Variants in CNTN4 observed in about 807,000 individuals in gnomAD.
CNTN4 encodes contactin 4, also known as contactin-4.
Under a neutral mutation model 122.5 loss-of-function variants are expected in CNTN4, and 77 were observed. The observed-to-expected ratio is 0.63, with a 90% CI of 0.52 to 0.76. The LOEUF (loss-of-function observed/expected upper bound fraction) is 0.76. Ranked by LOEUF, CNTN4 falls within the 30% of genes least tolerant of loss-of-function variation. The pLI, the probability that CNTN4 is intolerant of heterozygous loss-of-function variation, is 0.00. For missense variants in CNTN4, 1,256 were observed against 1,259.1 expected (o/e 1.00, Z 0.04); for synonymous variants, 512 against 447.0 (o/e 1.15, Z -1.83).
intron 23 of CNTN4, among the ~76,000 whole-genome samples, chr3:3,050,684 A>T (rs1701168645): frequency 7.0e-6 from 1 of 143,640 alleles, no homozygotes; most frequent in Non-Finnish European, 1.5e-5. Flanking sequence ...AATTGCTTGA[A>T]CCCGGGAGGC....
chr3:2,275,123 A>G (rs1210894230), intron 2 of CNTN4, among the ~76,000 whole-genome samples: 1 of 152,220 alleles, frequency 6.6e-6, no homozygotes, highest in Non-Finnish European at 1.5e-5. Context: ...TCCATCATCT[A>G]CGTTGCCTGT....
intron 3 of CNTN4, among the ~76,000 whole-genome samples, chr3:2,421,540 C>T (rs1490986465): frequency 1.3e-5 from 2 of 152,172 alleles, no homozygotes; most frequent in African/African-American, 4.8e-5. Context: ...ATGTTAGCCA[C>T]CGCTCCCAGC....
intron 3 of CNTN4, among the ~76,000 whole-genome samples, chr3:2,360,365 C>T (rs80342331): frequency 0.14 from 21,793 of 151,902 alleles, 1,704 homozygotes; most frequent in Non-Finnish European, 0.17. Flanking sequence ...TTTTGCTCCC[C>T]CCACCCCTTA....
intron 3 of CNTN4, chr3:2,511,228 A>G (rs1369927527): frequency 6.6e-6 from 1 of 152,226 alleles, no homozygotes; most frequent in Non-Finnish European, 1.5e-5. Context: ...TAAATTGCCC[A>G]TTGGGAAAGA....
intron 2 of CNTN4, among the ~76,000 whole-genome samples, chr3:2,291,275 A>G (rs1258330818): frequency 1.3e-5 from 2 of 152,180 alleles, no homozygotes; most frequent in Non-Finnish European, 2.9e-5. Context: ...GACCCTAGGC[A>G]TTCAATACAT....
intron 3 of CNTN4, among the ~76,000 whole-genome samples, chr3:2,438,615 C>T (rs1331575919): frequency 2.6e-5 from 4 of 152,208 alleles, no homozygotes; most frequent in Non-Finnish European, 4.4e-5. Context: ...CTTTTACTCA[C>T]ACTTCCTATT....
chr3:2,188,998 C>T (rs2037401894), intron 2 of CNTN4, among the ~76,000 whole-genome samples: 1 of 152,108 alleles, frequency 6.6e-6, no homozygotes, highest in Admixed American at 6.6e-5. Flanking sequence ...CCCTTCAGTG[C>T]TCTAGAGGGA....
chr3:2,950,462 G>A (rs958931372), intron 13 of CNTN4, among the ~76,000 whole-genome samples: 2 of 152,160 alleles, frequency 1.3e-5, no homozygotes, highest in Non-Finnish European at 2.9e-5. Context: ...TCAGCAGTTA[G>A]GCCTGCCACT....
chr3:2,783,623 T>C (rs2091695441), intron 6 of CNTN4, among the ~76,000 whole-genome samples: 1 of 152,234 alleles, frequency 6.6e-6, no homozygotes, highest in African/African-American at 2.4e-5. Context: ...AACTTTTCTC[T>C]AGAGTAATTG....
intron 4 of CNTN4, among the ~76,000 whole-genome samples, chr3:2,682,051 T>A (rs928680533): frequency 2.0e-5 from 3 of 152,202 alleles, no homozygotes; most frequent in African/African-American, 7.2e-5. Flanking sequence ...TCTTCCAATA[T>A]GAATCGTTAT....
At chr3:2,131,663 A>C (rs1212976648) in intron 2 of CNTN4, among the ~76,000 whole-genome samples, 3 of 152,214 alleles carry the variant, frequency 2.0e-5, no homozygotes. Context: ...TGTCCACTGT[A>C]TGGATGATTA....
chr3:2,299,551 T>C, intron 2 of CNTN4, among the ~76,000 whole-genome samples: 1 of 152,140 alleles, frequency 6.6e-6, no homozygotes, highest in East Asian at 1.9e-4. Context: ...CTTTTCCCTA[T>C]AATTTTATAT....
chr3:2,786,598 C>T (rs991402495), intron 6 of CNTN4, among the ~76,000 whole-genome samples: 2 of 152,220 alleles, frequency 1.3e-5, no homozygotes, highest in Admixed American at 6.5e-5. Context: ...CACCCCTCAC[C>T]ACCATCTCCT....
At chr3:2,626,118 G>T (rs2082174976) in intron 4 of CNTN4, among the ~76,000 whole-genome samples, 2 of 152,174 alleles carry the variant, frequency 1.3e-5, no homozygotes, top group African/African-American at 2.4e-5. Flanking sequence ...TATTCTCCCA[G>T]TTGCTTGCTG....
At chr3:2,640,672 T>G (rs958721522) in intron 4 of CNTN4, among the ~76,000 whole-genome samples, 1 of 152,148 alleles carries the variant, frequency 6.6e-6, no homozygotes, top group African/African-American at 2.4e-5. Context: ...CACATATATC[T>G]TTCACACACT....
chr3:2,231,010 G>C (rs1410085297), intron 2 of CNTN4, among the ~76,000 whole-genome samples: 1 of 151,704 alleles, frequency 6.6e-6, no homozygotes. Flanking sequence ...CAAAACAAAA[G>C]AAATATGATG....
intron 3 of CNTN4, among the ~76,000 whole-genome samples, chr3:2,520,804 A>G (rs1361660144): frequency 6.6e-6 from 1 of 152,096 alleles, no homozygotes; most frequent in Non-Finnish European, 1.5e-5. Context: ...TTTCTTGCGT[A>G]CCTGTGCAGA....
intron 3 of CNTN4, among the ~76,000 whole-genome samples, chr3:2,468,043 A>G (rs1302098707): frequency 1.3e-5 from 2 of 152,284 alleles, no homozygotes; most frequent in East Asian, 3.9e-4. Context: ...GTTTAGTGAT[A>G]TTTTACTCGA....
chr3:2,898,610 G>C (rs1345123680), intron 10 of CNTN4, among the ~76,000 whole-genome samples: 1 of 152,156 alleles, frequency 6.6e-6, no homozygotes, highest in Non-Finnish European at 1.5e-5. Context: ...CAATAAGAAA[G>C]CCCAAGTGTT....
Sources: allele counts gnomAD v4.1 joint callset (sites outside exome capture counted in the v4.1 genomes callset), GRCh38; gene constraint gnomAD v4.1.1; transcripts MANE v1.5; gene names NCBI Gene and HGNC (gene_info 2026-07-23, HGNC 2026-07-21).